The following MTHFD2L variants were observed in gnomAD, a reference collection of about 807,000 sequenced individuals.
MTHFD2L encodes bifunctional methylenetetrahydrofolate dehydrogenase/cyclohydrolase 2, mitochondrial.
Under a neutral mutation model 34.9 loss-of-function variants are expected in MTHFD2L, and 29 were observed. That is an observed-to-expected ratio of 0.83 (90% confidence interval 0.62 to 1.13). The LOEUF (loss-of-function observed/expected upper bound fraction) is 1.13, where lower values mean the gene tolerates loss of function less well. Ranked by LOEUF, MTHFD2L falls within the 50% of genes most tolerant of loss-of-function variation. MTHFD2L has a pLI of 0.00. For missense variants in MTHFD2L, 481 were observed against 446.5 expected (o/e 1.08, Z -0.70); for synonymous variants, 167 against 155.7 (o/e 1.07, Z -0.54).
intron 1 of MTHFD2L, among the ~76,000 whole-genome samples, chr4:74,144,997 C>A (rs1723503758): frequency 6.6e-6 from 1 of 152,050 alleles, no homozygotes; most frequent in Non-Finnish European, 1.5e-5. Flanking sequence ...GCATTGGAAT[C>A]ATTAATTAGA....
At chr4:74,121,871 G>T (rs570455277), upstream of MTHFD2L, among the ~76,000 whole-genome samples, 7 of 151,920 alleles carry the variant, frequency 4.6e-5, no homozygotes, top group Non-Finnish European at 1.0e-4. Context: ...GTGCCAAAAA[G>T]GTTGGGGGCC....
chr4:74,160,902 G>C (rs1348774334), intron 1 of MTHFD2L: 1 of 152,054 alleles, frequency 6.6e-6, no homozygotes, highest in Non-Finnish European at 1.5e-5. Context: ...TGCAACACAG[G>C]GACTTTCACA....
At position 74,196,807 on chromosome 4, in the gene MTHFD2L, A is replaced by G. The variant is rs532508150; in HGVS notation, c.452-2987A>G. On this transcript the variant is annotated intron_variant, in intron 3 of 7. Transcript: ENST00000325278. The stretch of plus-strand genomic sequence containing the variant: ...CTAAAAATACAAAAATTAACCAGGC[A>G]TGGTGGCACATGCCTATAGTCCCAG... Among the ~76,000 whole-genome samples the G allele has an allele frequency of 1.7e-3, 258 of 152,102 alleles. 2 individuals are homozygous for G. Among genetic ancestry groups the G allele is most frequent in the African/African-American group, 5.9e-3 (243 of 41,510 alleles).
At chr4:74,132,692 C>CA (rs1722629759) in intron 1 of MTHFD2L, among the ~76,000 whole-genome samples, 1 of 152,118 alleles carries the variant, frequency 6.6e-6, no homozygotes, top group Non-Finnish European at 1.5e-5. Context: ...ACCTATGTAA[C>CA]AAACCTGCAC....
At position 74,175,298 on chromosome 4, in the gene MTHFD2L, A is replaced by T; in HGVS notation, c.346A>T (p.Ile116Phe). Residue 116 changes from isoleucine to phenylalanine, a missense_variant, in exon 3 of 8, where the codon ATT (isoleucine) becomes TTT (phenylalanine). Physicochemically the swap from Ile to Phe is conservative, Grantham distance 21. Transcript: ENST00000325278. Reference sequence around the variant, plus strand: ...TCTTCTAGGTATTTGTAGTGAGCTCATTCTAAAACCTAAGGATGTTTCTCA... The same window carrying T: ...TCTTCTAGGTATTTGTAGTGAGCTCTTTCTAAAACCTAAGGATGTTTCTCA... ...ASAVGICSEL[I>F]LKPKDVSQEE... is the part of the protein sequence containing the mutation. 1 of 1,612,378 alleles carries T rather than the reference A, an allele frequency of 6.2e-7. No homozygotes were observed. The highest frequency in any genetic ancestry group is 8.5e-7 in the Non-Finnish European group (1 of 1,178,772).
intron 7 of MTHFD2L, among the ~76,000 whole-genome samples, chr4:74,286,467 T>C (rs1471334869): frequency 2.0e-5 from 3 of 152,194 alleles, no homozygotes; most frequent in Admixed American, 6.5e-5. Flanking sequence ...TCTCAAAAGA[T>C]AGAAATGAGA....
chr4:74,123,306 G>C (rs1721848424), upstream of MTHFD2L: 1 of 152,214 alleles, frequency 6.6e-6, no homozygotes, highest in Non-Finnish European at 1.5e-5. Flanking sequence ...AAGCACTCCA[G>C]TGTCTAGGGA....
At chr4:74,130,486 C>A (rs980976053) in intron 1 of MTHFD2L, among the ~76,000 whole-genome samples, 3 of 152,116 alleles carry the variant, frequency 2.0e-5, no homozygotes, top group African/African-American at 7.2e-5. Flanking sequence ...ATGACAAAAA[C>A]CACACGATTA....
At chr4:74,204,189 G>T (rs1004920278) in intron 5 of MTHFD2L, among the ~76,000 whole-genome samples, 1 of 152,122 alleles carries the variant, frequency 6.6e-6, no homozygotes, top group Admixed American at 6.6e-5. Flanking sequence ...CAAGCCCTGT[G>T]ATCTCGGGCA....
intron 1 of MTHFD2L, among the ~76,000 whole-genome samples, chr4:74,150,689 T>C (rs1723878028): frequency 6.6e-6 from 1 of 152,212 alleles, no homozygotes. Context: ...TAACATATGT[T>C]GTTTTAAATG....
intron 6 of MTHFD2L, among the ~76,000 whole-genome samples, chr4:74,281,090 G>A (rs374588765): frequency 6.6e-6 from 1 of 151,624 alleles, no homozygotes; most frequent in East Asian, 2.0e-4. Flanking sequence ...CTCAGCAGGA[G>A]CCTGTCTCAT....
intron 6 of MTHFD2L, among the ~76,000 whole-genome samples, chr4:74,234,294 C>T (rs776837700): frequency 1.3e-4 from 20 of 152,036 alleles, no homozygotes; most frequent in East Asian, 1.9e-4. Context: ...TTAATTAAAA[C>T]GTTAACACTT....
intron 1 of MTHFD2L, among the ~76,000 whole-genome samples, chr4:74,143,745 G>A (rs1407928836): frequency 6.8e-6 from 1 of 146,304 alleles, no homozygotes; most frequent in Admixed American, 6.6e-5. Flanking sequence ...TAAGCAAGAG[G>A]AGAGTCAAAA....
At chr4:74,192,143 T>C (rs1436271331) in intron 3 of MTHFD2L, among the ~76,000 whole-genome samples, 1 of 152,036 alleles carries the variant, frequency 6.6e-6, no homozygotes. Flanking sequence ...ATATAATAAA[T>C]AAACAAATAT....
At chr4:74,129,831 A>T (rs1436509171) in intron 1 of MTHFD2L, among the ~76,000 whole-genome samples, 1 of 152,142 alleles carries the variant, frequency 6.6e-6, no homozygotes, top group Non-Finnish European at 1.5e-5. Context: ...AAATAGATAG[A>T]CCACTAGCCT....
intron 1 of MTHFD2L, among the ~76,000 whole-genome samples, chr4:74,173,632 C>T (rs957461620): frequency 1.3e-5 from 2 of 152,122 alleles, no homozygotes; most frequent in Non-Finnish European, 1.5e-5. Context: ...GAACTGATTT[C>T]GCCTTAGGGT....
chr4:74,154,765 A>G (rs1487859963), upstream of MTHFD2L, among the ~76,000 whole-genome samples: 1 of 152,150 alleles, frequency 6.6e-6, no homozygotes, highest in African/African-American at 2.4e-5. Context: ...TTAGAAACCA[A>G]TATCTGGGCT....
chr4:74,187,259 A>G (rs550618786), intron 3 of MTHFD2L, among the ~76,000 whole-genome samples: 1 of 152,302 alleles, frequency 6.6e-6, no homozygotes, highest in South Asian at 2.1e-4. Context: ...TTCTCAAAAT[A>G]AAACACAAAG....
rs76885484 is a variant in MTHFD2L at position 74,301,182 on chromosome 4, G to A, written c.932-515G>A. On this transcript the variant is annotated intron_variant, in intron 7 of 7. Coordinates refer to ENST00000325278, the MANE Select transcript of MTHFD2L (RefSeq NM_001144978.3). ...GAATAAGTTCCCATACCTCTGAACAGGACTATGTATGTGTTCATAATTCAA... is the reference window on the plus strand; with the variant it reads ...GAATAAGTTCCCATACCTCTGAACAAGACTATGTATGTGTTCATAATTCAA... Among the ~76,000 whole-genome samples the A allele has an allele frequency of 5.9e-3, 905 of 152,112 alleles. 9 individuals carry two copies. Among genetic ancestry groups the A allele is most frequent in the African/African-American group, 0.021 (864 of 41,506 alleles).
Sources: allele counts gnomAD v4.1 joint callset (sites outside exome capture counted in the v4.1 genomes callset), GRCh38; gene constraint gnomAD v4.1.1; transcripts MANE v1.5; gene names NCBI Gene and HGNC (gene_info 2026-07-23, HGNC 2026-07-21).